The following UBE2E2 variants were observed in gnomAD, a reference collection of about 807,000 sequenced individuals.
UBE2E2 encodes ubiquitin conjugating enzyme E2 E2.
In UBE2E2, 6 loss-of-function variants were observed where a neutral mutation model predicts 24.7. The ratio of observed to expected loss-of-function variants is 0.24; its 90% CI spans 0.13 to 0.48. The LOEUF is 0.48. Ranked by LOEUF, UBE2E2 falls within the 20% of genes least tolerant of loss-of-function variation. The pLI is 0.99. For synonymous variants in UBE2E2, 104 were observed against 83.6 expected (o/e 1.24, Z -1.33); for missense variants, 169 against 245.0 (o/e 0.69, Z 2.07).
At chr3:23,523,051 T>A (rs1293086803) in intron 4 of UBE2E2, among the ~76,000 whole-genome samples, 2 of 151,734 alleles carry the variant, frequency 1.3e-5, no homozygotes, top group African/African-American at 4.8e-5. Flanking sequence ...GATAAAAAAA[T>A]GAAATATGAA....
At chr3:23,346,845 T>G (rs1695571172) in intron 3 of UBE2E2, among the ~76,000 whole-genome samples, 1 of 152,236 alleles carries the variant, frequency 6.6e-6, no homozygotes, top group Admixed American at 6.5e-5. Flanking sequence ...AACTTCTAAT[T>G]CACCTTGCTT....
At chr3:23,366,928 T>C (rs1329849206) in intron 3 of UBE2E2, among the ~76,000 whole-genome samples, 2 of 152,146 alleles carry the variant, frequency 1.3e-5, no homozygotes, top group Admixed American at 1.3e-4. Context: ...AAAATTAGTG[T>C]TTATTGGTAT....
chr3:23,556,553 A>T (rs970441685), intron 5 of UBE2E2, among the ~76,000 whole-genome samples: 1 of 151,662 alleles, frequency 6.6e-6, no homozygotes, highest in Non-Finnish European at 1.5e-5. Context: ...ATTGGTATTA[A>T]AAACCAGCTT....
Position 23,590,523 on chromosome 3 carries a change from G to T in UBE2E2, c.*692G>T, listed in dbSNP as rs1696737097. On this transcript the variant is annotated 3_prime_UTR_variant, in exon 6 of 6. Transcript: ENST00000396703. ...ACCTGCCACTTTTGACTGTGGATCA[G>T]TTGATGTACACTTGTATTATTAAAG... The T allele has an allele frequency of 6.6e-6, 1 of 152,654 alleles. No individual in the cohort carries two copies. The highest frequency in any genetic ancestry group is 2.4e-5 in the African/African-American group (1 of 41,436). 9.5% of individuals were successfully genotyped at this position (152,654 alleles called of 1,614,324 possible). A position where few individuals can be genotyped will look rare whatever the true frequency, so the allele number is the denominator to read the frequency against.
chr3:23,428,872 A>G (rs1338938652), intron 3 of UBE2E2, among the ~76,000 whole-genome samples: 1 of 141,092 alleles, frequency 7.1e-6, no homozygotes, highest in Non-Finnish European at 1.5e-5. Context: ...GGCTGCAGTG[A>G]GCTGTCATCA....
intron 3 of UBE2E2, among the ~76,000 whole-genome samples, chr3:23,260,522 A>G (rs912995580): frequency 2.6e-5 from 4 of 152,194 alleles, no homozygotes; most frequent in African/African-American, 7.2e-5. Context: ...CTATAATTTA[A>G]TGGAACTTAT....
At chr3:23,238,445 A>G (rs1482074185) in intron 3 of UBE2E2, among the ~76,000 whole-genome samples, 1 of 152,172 alleles carries the variant, frequency 6.6e-6, no homozygotes, top group Non-Finnish European at 1.5e-5. Context: ...ATTGTTCGGG[A>G]GAGGCCATGC....
rs550145516 is a variant in UBE2E2, at chr3:23,506,520, C to T, written c.360+6780C>T. Among the ~76,000 whole-genome samples, 14 of 152,308 alleles carry T rather than the reference C, an allele frequency of 9.2e-5. No individual in the cohort carries two copies. The East Asian group carries it at 2.7e-3, about 29-fold the overall frequency. The stretch of plus-strand genomic sequence containing the variant: ...CAATAAATCTAGAATCCAAACATTT[C>T]TCACCATCTTTCCCTAGAAACTCTT... On this transcript the variant is annotated intron_variant, in intron 4 of 5. Transcript: ENST00000396703.
At chr3:23,251,089 G>A (rs1294591490) in intron 3 of UBE2E2, among the ~76,000 whole-genome samples, 1 of 152,108 alleles carries the variant, frequency 6.6e-6, no homozygotes, top group Non-Finnish European at 1.5e-5. Context: ...AAACTCCTGG[G>A]CTCAGTCCTC....
At chr3:23,537,882 T>C (rs1695302611) in intron 5 of UBE2E2, among the ~76,000 whole-genome samples, 1 of 152,138 alleles carries the variant, frequency 6.6e-6, no homozygotes, top group South Asian at 2.1e-4. Context: ...TTTCAGCACA[T>C]TTATATTTGT....
intron 3 of UBE2E2, among the ~76,000 whole-genome samples, chr3:23,245,898 A>G (rs1465325590): frequency 6.6e-6 from 1 of 152,172 alleles, no homozygotes; most frequent in African/African-American, 2.4e-5. Flanking sequence ...CCCACCAATT[A>G]TTTGACCTGA....
At chr3:23,516,226 A>AT (rs1694737854) in intron 4 of UBE2E2, among the ~76,000 whole-genome samples, 1 of 152,154 alleles carries the variant, frequency 6.6e-6, no homozygotes, top group Admixed American at 6.5e-5. Flanking sequence ...AAGCAAAAAT[A>AT]TTAGGGGGAG....
chr3:23,512,707 G>T (rs1168638820), intron 4 of UBE2E2, among the ~76,000 whole-genome samples: 2 of 152,134 alleles, frequency 1.3e-5, no homozygotes, highest in Non-Finnish European at 2.9e-5. Flanking sequence ...CACTTTAGGA[G>T]GCCAAGACGG....
chr3:23,386,257 G>A (rs1461552676), intron 3 of UBE2E2, among the ~76,000 whole-genome samples: 10 of 152,122 alleles, frequency 6.6e-5, no homozygotes, highest in African/African-American at 2.4e-4. Context: ...TGTCTAGTGA[G>A]GGTCCCCTTC....
intron 3 of UBE2E2, among the ~76,000 whole-genome samples, chr3:23,409,991 C>A (rs1046110078): frequency 3.3e-5 from 5 of 152,252 alleles, no homozygotes; most frequent in Admixed American, 2.0e-4. Flanking sequence ...GTGACCTCAT[C>A]TTAATTATAC....
Position 23,208,853 on chromosome 3 carries a change from A to G in UBE2E2, c.154A>G (p.Lys52Glu). The G allele has an allele frequency of 6.2e-7, 1 of 1,613,050 alleles. No individual in the cohort carries two copies. The highest frequency in any genetic ancestry group is 8.5e-7 in the Non-Finnish European group (1 of 1,179,502). ...AAAAATATCCAGCAAAACCGCTGCT[A>G]AATTGTCAACTAGTGCTAAAAGGTA... ...EGKISSKTAA[K>E]LSTSAKRIQK... Residue 52 changes from lysine to glutamate, a missense_variant, in exon 2 of 6, where the codon AAA (lysine) becomes GAA (glutamate). Lys to Glu is a moderately conservative substitution (Grantham distance 56). Transcript: ENST00000396703.
At chr3:23,353,265 C>A (rs1249370211) in intron 3 of UBE2E2, among the ~76,000 whole-genome samples, 2 of 151,908 alleles carry the variant, frequency 1.3e-5, no homozygotes, top group South Asian at 2.1e-4. Context: ...TATGACAAAC[C>A]CACAGCCAAT....
At chr3:23,504,079 T>C (rs1694374051) in intron 4 of UBE2E2, among the ~76,000 whole-genome samples, 1 of 152,216 alleles carries the variant, frequency 6.6e-6, no homozygotes, top group Non-Finnish European at 1.5e-5. Flanking sequence ...TTAAGACTTT[T>C]GTTTCCTTCA....
chr3:23,416,427 G>T (rs1381532129), intron 3 of UBE2E2, among the ~76,000 whole-genome samples: 1 of 152,210 alleles, frequency 6.6e-6, no homozygotes, highest in Non-Finnish European at 1.5e-5. Context: ...TCTGCTGTTA[G>T]TCTGATGGGC....
Sources: gnomAD v4.1 joint callset for allele counts (sites outside exome capture counted in the v4.1 genomes callset) on GRCh38, gnomAD v4.1.1 for gene constraint, MANE v1.5 for transcripts, NCBI Gene and HGNC (gene_info 2026-07-23, HGNC 2026-07-21) for gene names.